WDR77: variants seen among roughly 807,000 people sequenced by gnomAD.
WDR77 encodes the protein methylosome protein WDR77.
Under a neutral mutation model 44.0 loss-of-function variants are expected in WDR77, and 31 were observed. The observed-to-expected ratio is 0.70, with a 90% CI of 0.53 to 0.95. WDR77 has a LOEUF of 0.95. Among genes scored for constraint, WDR77 ranks in the 40% least tolerant of loss-of-function variants. The probability of loss-of-function intolerance (pLI) is 0.00; values close to 1 mark genes in which losing one functional copy is unlikely to be tolerated. For missense variants in WDR77, 390 were observed against 423.9 expected, an observed-to-expected ratio of 0.92 and a Z score of 0.70; for synonymous variants, 186 against 165.7, an observed-to-expected ratio of 1.12 and a Z score of -0.94.
intron 7 of WDR77, 36 bp downstream of exon 7, chr1:111,443,287 C>T: frequency 1.9e-6 from 3 of 1,546,102 alleles, no homozygotes; most frequent in Non-Finnish European, 1.8e-6. Context: ...CCTCCCCTTT[C>T]CCAGAGTCAA....
chr1:111,447,286 G>A (rs1653081834), intron 3 of WDR77, 142 bp from the exon 4 acceptor site: 17 of 1,468,294 alleles, frequency 1.2e-5, no homozygotes, highest in Non-Finnish European at 1.6e-5. Context: ...ACGATGGACT[G>A]CAAAATCCCT....
intron 8 of WDR77, 120 bp from the exon 9 acceptor site, chr1:111,442,213 T>C (rs1652845322): frequency 1.1e-6 from 1 of 907,680 alleles, no homozygotes; most frequent in East Asian, 2.5e-5. Flanking sequence ...ATTCCCACTT[T>C]TGGCTAATCT....
intron 2 of WDR77, among the ~76,000 whole-genome samples, chr1:111,448,407 G>A (rs1653145124): frequency 6.6e-6 from 1 of 152,126 alleles, no homozygotes; most frequent in African/African-American, 2.4e-5. Context: ...ATTTTGTTAC[G>A]GATTTTTCTA....
intron 3 of WDR77, 105 bp from the exon 4 acceptor site, chr1:111,447,249 C>G (rs972312129): frequency 1.3e-6 from 2 of 1,498,788 alleles, no homozygotes; most frequent in Non-Finnish European, 1.8e-6. Context: ...AAGTCTTTGC[C>G]TCTTGGACTG....
In WDR77 at chr1:111,440,923, T is replaced by G. The variant is rs1429041447; in HGVS notation, c.*307A>C. 5.2e-6 allele frequency: 1 copy of G among 190,968 alleles called. No homozygotes were observed. The highest frequency in any genetic ancestry group is 1.1e-5 in the Non-Finnish European group (1 of 94,636). 11.8% of individuals were successfully genotyped at this position (190,968 alleles called of 1,614,324 possible). A position where few individuals can be genotyped will look rare whatever the true frequency, so the allele number is the denominator to read the frequency against. ...CCTTTCGTCAACTTGTTTTGGGGGG[T>G]GAGAGAGAGGCAGTGCTTAGGGAAG... is the stretch of plus-strand genomic sequence containing the variant. On this transcript the variant is annotated 3_prime_UTR_variant, in exon 10 of 10. Coordinates refer to ENST00000235090, the MANE Select transcript of WDR77 (RefSeq NM_024102.4).
intron 4 of WDR77, among the ~76,000 whole-genome samples, chr1:111,446,570 C>T (rs1653040658): frequency 6.6e-6 from 1 of 151,946 alleles, no homozygotes; most frequent in African/African-American, 2.4e-5. Context: ...AATAAAAGAC[C>T]AAAAGAGCTA....
At chr1:111,447,781 G>C (rs1365348330) in intron 2 of WDR77, among the ~76,000 whole-genome samples, 1 of 152,200 alleles carries the variant, frequency 6.6e-6, no homozygotes, top group Non-Finnish European at 1.5e-5. Context: ...TGACAGCCCA[G>C]ACAAGTAGGT....
In WDR77 at chr1:111,441,096, G is replaced by T; in HGVS notation, c.*134C>A. ...GAATCCAGCCTCCCTCAGGCTGAGAGACGATGCCTATTAACGGCACAGATC... is the reference window on the plus strand; with the variant it reads ...GAATCCAGCCTCCCTCAGGCTGAGATACGATGCCTATTAACGGCACAGATC... On this transcript the variant is annotated 3_prime_UTR_variant, in exon 10 of 10. Transcript: ENST00000235090. 2 of 999,946 alleles carry T rather than the reference G, an allele frequency of 2.0e-6. No individual in the cohort carries two copies. 61.9% of individuals were successfully genotyped at this position (999,946 alleles called of 1,614,324 possible).
chr1:111,441,240 A>G lies in WDR77; in HGVS notation c.1019T>C (p.Val340Ala), dbSNP rs757013755. The G allele has an allele frequency of 5.8e-6, 9 of 1,545,316 alleles. No homozygotes were observed. The African/African-American group carries it at 9.7e-5, about 17-fold the overall frequency. Residue 340 changes from valine (V) to alanine (A), a missense_variant, in exon 10 of 10, where the codon GTT (valine) becomes GCT (alanine). By Grantham distance (64) the Val-to-Ala change is moderately conservative. Transcript: ENST00000235090. ...TGTCTTAAATCCAATCTACTCAGTA[A>G]CACTTGCAGGTCCAGGGGCTGGGAG... is the stretch of plus-strand genomic sequence containing the variant. ...EPLPAPGPAS[V>A]TE
At chr1:111,447,626 G>A (rs2101748175) in intron 2 of WDR77, 50 bp from the exon 3 acceptor site, 2 of 1,601,442 alleles carry the variant, frequency 1.2e-6, no homozygotes, top group Non-Finnish European at 1.7e-6. Context: ...TACCAAGGCA[G>A]TAATTCACTT....
At chr1:111,447,368 G>A in intron 3 of WDR77, 67 bp downstream of exon 3, 2 of 1,599,724 alleles carry the variant, frequency 1.3e-6, no homozygotes, top group Non-Finnish European at 1.7e-6. Flanking sequence ...TACCTAATGA[G>A]GTTAACAGGA....
chr1:111,445,181 T>C (rs947604063), intron 4 of WDR77, among the ~76,000 whole-genome samples: 2 of 152,234 alleles, frequency 1.3e-5, no homozygotes, highest in African/African-American at 2.4e-5. Flanking sequence ...GAGGTCTACA[T>C]GTAAAAAACT....
rs3210954 is a variant in WDR77 at position 111,441,037 on chromosome 1, G to C, written c.*193C>G. ...CACGCACATACATGTCCATTTTTAA[G>C]AAAGCTTTTCCTCCCTGTGACTACA... On this transcript the variant is annotated 3_prime_UTR_variant, in exon 10 of 10. Coordinates refer to ENST00000235090, the MANE Select transcript of WDR77 (RefSeq NM_024102.4). The C allele has an allele frequency of 6.9e-5, 33 of 475,608 alleles. No homozygotes were observed. The highest frequency in any genetic ancestry group is 5.8e-4 in the African/African-American group (29 of 50,040). 29.5% of individuals were successfully genotyped at this position (475,608 alleles called of 1,614,324 possible).
rs1179468624 is a variant in WDR77, at chr1:111,442,714, A to C, written c.739T>G (p.Cys247Gly). 3 of 1,601,266 alleles carry C rather than the reference A, an allele frequency of 1.9e-6. No individual in the cohort carries two copies. The highest frequency in any genetic ancestry group is 2.6e-6 in the Non-Finnish European group (3 of 1,171,036). The change falls in exon 8 of 10, where the codon TGT (cysteine) becomes GGT (glycine). Residue 247 changes from cysteine (C) to glycine (G), a missense_variant. By Grantham distance (159) the Cys-to-Gly change is radical. Coordinates refer to ENST00000235090, the MANE Select transcript of WDR77 (RefSeq NM_024102.4). Reference sequence around the variant, plus strand: ...GAGTGTACAGCTGAGCTCAGGACACAGCTTGTACTCTTGGTGTCCACAAGG... The same window carrying C: ...GAGTGTACAGCTGAGCTCAGGACACCGCTTGTACTCTTGGTGTCCACAAGG... Reference protein sequence around the residue: ...VSLVDTKSTSCVLSSAVHSQC... With the variant: ...VSLVDTKSTSGVLSSAVHSQC...
At chr1:111,441,662 G>C (rs1652820967) in intron 9 of WDR77, 1 of 1,145,730 alleles carries the variant, frequency 8.7e-7, no homozygotes, top group East Asian at 3.3e-5. Context: ...ACGGCAAGGA[G>C]GGAAGTACAA....
At chr1:111,446,140 A>G (rs1456126499) in intron 4 of WDR77, among the ~76,000 whole-genome samples, 3 of 152,216 alleles carry the variant, frequency 2.0e-5, no homozygotes, top group East Asian at 3.9e-4. Context: ...GACCTTGGAT[A>G]TGAGTCAGTG....
In WDR77 at chr1:111,443,788, T is replaced by C. The variant is rs1652910063; in HGVS notation, c.619+79A>G. 8 of 1,604,888 alleles carry C rather than the reference T, an allele frequency of 5.0e-6. No homozygotes were observed. The East Asian group carries it at 8.9e-5, about 18-fold the overall frequency. On this transcript the variant is annotated intron_variant, in intron 6 of 9. Coordinates refer to ENST00000235090, the MANE Select transcript of WDR77 (RefSeq NM_024102.4). ...AACTACACTGGGCATCTAGCAACTA[T>C]GCTTTGACACTGGCCAAAGACAGTC...
chr1:111,442,282 T>C (rs1652848740), intron 8 of WDR77, among the ~76,000 whole-genome samples, 189 bp from the exon 9 acceptor site: 2 of 152,144 alleles, frequency 1.3e-5, no homozygotes, highest in African/African-American at 4.8e-5. Context: ...GAAGCAAAGT[T>C]AGGGTTGACA....
intron 7 of WDR77, 53 bp downstream of exon 7, chr1:111,443,270 T>A: frequency 6.5e-7 from 1 of 1,527,226 alleles, no homozygotes; most frequent in Non-Finnish European, 8.9e-7. Flanking sequence ...AGCTCTTTCT[T>A]TTTCCTCCTC....
Sources: allele counts gnomAD v4.1 joint callset (sites outside exome capture counted in the v4.1 genomes callset), GRCh38; gene constraint gnomAD v4.1.1; transcripts MANE v1.5; gene names NCBI Gene and HGNC (gene_info 2026-07-23, HGNC 2026-07-21).